Variants in TMEM91 observed in about 807,000 individuals in gnomAD.
TMEM91 encodes transmembrane protein 91, also known as dispanin subfamily C member 3.
In TMEM91, 6 loss-of-function variants were observed where a neutral mutation model predicts 13.3. The ratio of observed to expected loss-of-function variants is 0.45; its 90% CI spans 0.25 to 0.89. The LOEUF is 0.89. Among genes scored for constraint, TMEM91 ranks in the 40% least tolerant of loss-of-function variants. The pLI, the probability that TMEM91 is intolerant of heterozygous loss-of-function variation, is 0.19. For synonymous variants in TMEM91, 87 were observed against 101.7 expected (o/e 0.86, Z 0.87); for missense variants, 193 against 228.7 (o/e 0.84, Z 1.01).
chr19:41,375,755 C>T (rs941859331), upstream of TMEM91, among the ~76,000 whole-genome samples: 1 of 151,710 alleles, frequency 6.6e-6, no homozygotes, highest in African/African-American at 2.4e-5. Flanking sequence ...GAGGCTGAAG[C>T]GAGCAATGAT....
At chr19:41,373,235 C>T (rs909078659), upstream of TMEM91, among the ~76,000 whole-genome samples, 2 of 152,088 alleles carry the variant, frequency 1.3e-5, no homozygotes, top group Non-Finnish European at 2.9e-5. Flanking sequence ...CCACCGTACC[C>T]AGCTGGAATC....
At chr19:41,366,067 T>G (rs1211783673) in intron 1 of TMEM91, among the ~76,000 whole-genome samples, 1 of 147,518 alleles carries the variant, frequency 6.8e-6, no homozygotes, top group African/African-American at 2.5e-5. Flanking sequence ...TTTTTTTTTT[T>G]TTTTTGAGAC....
chr19:41,374,754 C>G (rs551344706), upstream of TMEM91, among the ~76,000 whole-genome samples: 1 of 151,994 alleles, frequency 6.6e-6, no homozygotes, highest in East Asian at 1.9e-4. Context: ...GAGGCTGAGG[C>G]GGGTGGGTCA....
intron 1 of TMEM91, among the ~76,000 whole-genome samples, chr19:41,370,665 A>G (rs1312286997): frequency 1.3e-5 from 2 of 151,808 alleles, no homozygotes; most frequent in Admixed American, 6.6e-5. Context: ...TCGGCCTCCC[A>G]AAGTGCTGGG....
intron 1 of TMEM91, among the ~76,000 whole-genome samples, 189 bp from the exon 2 acceptor site, chr19:41,378,091 AC>A (rs1247421538): frequency 6.6e-6 from 1 of 151,078 alleles, no homozygotes; most frequent in Non-Finnish European, 1.5e-5. Context: ...GAATGTCCAG[AC>A]CCCTGAGTTC....
chr19:41,364,650 A>G (rs996677314), intron 1 of TMEM91, among the ~76,000 whole-genome samples: 3 of 152,092 alleles, frequency 2.0e-5, no homozygotes, highest in African/African-American at 7.2e-5. Context: ...GAAGGAAGGA[A>G]GTTGGATAAG....
At chr19:41,372,760 C>T (rs748215046), upstream of TMEM91, among the ~76,000 whole-genome samples, 8 of 152,100 alleles carry the variant, frequency 5.3e-5, no homozygotes, top group South Asian at 2.1e-4. Flanking sequence ...ATCTGGTTAA[C>T]GTGATGTTTG....
intron 1 of TMEM91, among the ~76,000 whole-genome samples, chr19:41,370,057 A>G (rs939412201): frequency 2.6e-5 from 4 of 151,744 alleles, no homozygotes; most frequent in Non-Finnish European, 5.9e-5. Flanking sequence ...ATTTTCTTTC[A>G]ATGTATTTAT....
chr19:41,374,259 C>T (rs925303455), upstream of TMEM91: 8 of 152,136 alleles, frequency 5.3e-5, no homozygotes, highest in African/African-American at 1.9e-4. Context: ...CCCACAAAGG[C>T]CAGGGAATCC....
intron 2 of TMEM91, among the ~76,000 whole-genome samples, chr19:41,378,863 G>C (rs1462839257): frequency 6.7e-6 from 1 of 150,188 alleles, no homozygotes; most frequent in African/African-American, 2.5e-5. Context: ...ACAGGGTCTC[G>C]CTCTGTTGCC....
chr19:41,379,931 G>T (rs1173999787), intron 2 of TMEM91, among the ~76,000 whole-genome samples: 6 of 92,816 alleles, frequency 6.5e-5, no homozygotes, highest in Non-Finnish European at 1.2e-4. Flanking sequence ...TTTCACCCTT[G>T]TTGCCCAGGC....
chr19:41,383,665 G>C (rs1453163808), intron 3 of TMEM91, 50 bp from the exon 4 acceptor site: 13 of 1,613,968 alleles, frequency 8.1e-6, no homozygotes, highest in African/African-American at 1.3e-5. Context: ...CAGGGGAAGG[G>C]TCTGGGACTG....
intron 1 of TMEM91, among the ~76,000 whole-genome samples, chr19:41,377,554 A>G (rs1183956675): frequency 7.1e-6 from 1 of 140,592 alleles, no homozygotes; most frequent in East Asian, 2.3e-4. Context: ...TGTGTGTGTG[A>G]CTGGGAGGGG....
rs115572887 is a variant in TMEM91 at position 41,370,016 on chromosome 19, C to T, written c.-30+5921C>T. Among the ~76,000 whole-genome samples the T allele has an allele frequency of 2.9e-3, 448 of 152,268 alleles. 1 individual carries two copies. The highest frequency in any genetic ancestry group is 0.01 in the African/African-American group (418 of 41,560). Reference sequence around the variant, plus strand: ...AACAAAACAACTCCCCTATTCCCCCCTCTTCTGCAGCTCCTGGTAATCACC... The same window carrying T: ...AACAAAACAACTCCCCTATTCCCCCTTCTTCTGCAGCTCCTGGTAATCACC... On this transcript the variant is annotated intron_variant, in intron 1 of 3. Coordinates refer to the TMEM91 transcript ENST00000413014.
chr19:41,371,392 TCCTC>T lies in TMEM91; in HGVS notation c.-29-6875_-29-6872del, dbSNP rs1199721986. Among the ~76,000 whole-genome samples the T allele has an allele frequency of 2.0e-4, 30 of 147,198 alleles. No individual in the cohort carries two copies. In the South Asian group the frequency reaches 6.3e-3, roughly 31 times the overall value. ...TTCTTTCCTTCCTTCCTTCTTTCCT[TCCTC>T]CCTCCCTCCCTCCTTTCTCTCTCTC... On this transcript the variant is annotated intron_variant, in intron 1 of 3. Transcript: ENST00000413014.
At chr19:41,379,557 GAGAGAGAGAGAA>G (rs1318851683) in intron 2 of TMEM91, among the ~76,000 whole-genome samples, 11 of 149,072 alleles carry the variant, frequency 7.4e-5, no homozygotes, top group Non-Finnish European at 1.5e-4. Context: ...GGGGGAGAGA[GAGAGAGAGAGAA>G]AGAGAGAGGG....
In TMEM91 at chr19:41,364,057, G is replaced by C. The variant is rs867979851; in HGVS notation, c.-68G>C. On this transcript the variant is annotated 5_prime_UTR_variant, in exon 1 of 4. Coordinates refer to the TMEM91 transcript ENST00000413014. ...TCTCCGCGGGCGCCGACCAGGCCTG[G>C]CTCGCGCCTCTCCCAGGACCCGCCT... The C allele has an allele frequency of 9.3e-5, 16 of 171,922 alleles. No homozygotes were observed. In the South Asian group the frequency reaches 1.5e-3, roughly 16 times the overall value. The allele number at this position is 171,922 out of a possible 1,614,324, so 10.6% of individuals were successfully genotyped here.
rs1333479419 is a variant in TMEM91, at chr19:41,383,961, T to G, written c.*88T>G. ...AGTGGAGAATCTTGGTGGATGAGGC[T>G]GCGGCGGCGGCAGGAGCATCTAGAA... On this transcript the variant is annotated 3_prime_UTR_variant, in exon 4 of 4. Coordinates refer to ENST00000392002, the MANE Select transcript of TMEM91 (RefSeq NM_001098821.2). The G allele has an allele frequency of 2.0e-6, 3 of 1,533,002 alleles. No individual in the cohort carries two copies. The highest frequency in any genetic ancestry group is 2.6e-6 in the Non-Finnish European group (3 of 1,147,294). 95.0% of individuals were successfully genotyped at this position (1,533,002 alleles called of 1,614,324 possible). A position where few individuals can be genotyped will look rare whatever the true frequency, so the allele number is the denominator to read the frequency against.
At chr19:41,373,545 C>T (rs1599923948), upstream of TMEM91, among the ~76,000 whole-genome samples, 1 of 145,552 alleles carries the variant, frequency 6.9e-6, no homozygotes, top group South Asian at 2.2e-4. Context: ...CTTGTTGTGC[C>T]GACACTGATG....
Sources: allele counts gnomAD v4.1 joint callset (sites outside exome capture counted in the v4.1 genomes callset), GRCh38; gene constraint gnomAD v4.1.1; transcripts MANE v1.5; gene names NCBI Gene and HGNC (gene_info 2026-07-23, HGNC 2026-07-21).